The following KSR2 variants were observed in gnomAD, a reference collection of about 807,000 sequenced individuals.
KSR2 encodes the protein kinase suppressor of ras 2.
Under a neutral mutation model 107.8 loss-of-function variants are expected in KSR2, and 25 were observed. The ratio of observed to expected loss-of-function variants is 0.23; its 90% CI spans 0.17 to 0.32. The LOEUF (loss-of-function observed/expected upper bound fraction) is 0.32. Among genes scored for constraint, KSR2 ranks in the 10% least tolerant of loss-of-function variants. The probability of loss-of-function intolerance (pLI) is 1.00; values close to 1 mark genes in which losing one functional copy is unlikely to be tolerated. For missense variants in KSR2, 887 were observed against 1,268.9 expected, an observed-to-expected ratio of 0.70 and a Z score of 4.57; for synonymous variants, 480 against 507.0, an observed-to-expected ratio of 0.95 and a Z score of 0.71.
intron 13 of KSR2, among the ~76,000 whole-genome samples, chr12:117,525,646 T>C (rs1387421446): frequency 6.6e-6 from 1 of 152,260 alleles, no homozygotes; most frequent in Non-Finnish European, 1.5e-5. Flanking sequence ...CTTCCTATTC[T>C]TCCATAGTCT....
intron 5 of KSR2, among the ~76,000 whole-genome samples, chr12:117,654,057 C>T (rs1318221088): frequency 6.6e-6 from 1 of 152,222 alleles, no homozygotes; most frequent in Non-Finnish European, 1.5e-5. Context: ...CTGCAGATAA[C>T]TACTCTCCTT....
intron 3 of KSR2, among the ~76,000 whole-genome samples, chr12:117,813,796 C>T (rs564880664): frequency 1.1e-4 from 16 of 152,240 alleles, no homozygotes; most frequent in Non-Finnish European, 2.4e-4. Context: ...GGAAAAGAAA[C>T]CAGCTTATCA....
intron 5 of KSR2, among the ~76,000 whole-genome samples, chr12:117,620,324 T>G (rs1464096660): frequency 1.3e-5 from 2 of 152,098 alleles, no homozygotes; most frequent in Non-Finnish European, 2.9e-5. Context: ...TCTGCCCCAT[T>G]GTGGATATAC....
At chr12:117,967,578 AGAG>A (rs1439933125) in intron 1 of KSR2, among the ~76,000 whole-genome samples, 1 of 152,002 alleles carries the variant, frequency 6.6e-6, no homozygotes, top group Non-Finnish European at 1.5e-5. Context: ...AAGAAGGCCA[AGAG>A]AAGAAGAGGT....
chr12:117,855,855 AC>A (rs1455050719), intron 2 of KSR2, among the ~76,000 whole-genome samples: 3 of 151,950 alleles, frequency 2.0e-5, no homozygotes, highest in Non-Finnish European at 4.4e-5. Context: ...TATAATTACT[AC>A]CCTGTCTGGC....
chr12:117,869,492 G>T lies in KSR2; in HGVS notation c.181-9061C>A, dbSNP rs559929833. ...AGCGGGTAATCACTGAGACTAGTTA[G>T]GTGCCCATCTTTCCAGATGTTGATC... On this transcript the variant is annotated intron_variant, in intron 1 of 19. Transcript: ENST00000339824. 3.4e-4 allele frequency among the ~76,000 whole-genome samples: 52 copies of T among 152,300 alleles called. No individual in the cohort carries two copies. The South Asian group carries it at 0.011, about 32-fold the overall frequency.
At chr12:117,531,774 A>G in intron 10 of KSR2, 67 bp from the exon 11 acceptor site, 1 of 1,190,060 alleles carries the variant, frequency 8.4e-7, no homozygotes, top group Non-Finnish European at 1.2e-6. Context: ...GACCAGATTG[A>G]GCTCTTACAG....
intron 1 of KSR2, among the ~76,000 whole-genome samples, chr12:117,901,202 A>C (rs1482574519): frequency 6.6e-6 from 1 of 152,238 alleles, no homozygotes; most frequent in Non-Finnish European, 1.5e-5. Flanking sequence ...CAGGAATATG[A>C]TAAATAAACA....
chr12:117,570,550 A>C (rs1041722228), intron 7 of KSR2, among the ~76,000 whole-genome samples: 2 of 152,238 alleles, frequency 1.3e-5, no homozygotes, highest in African/African-American at 4.8e-5. Context: ...AAAAGGCGAA[A>C]ATGGGCTAAA....
At chr12:117,901,130 G>A (rs2137393846) in intron 1 of KSR2, among the ~76,000 whole-genome samples, 1 of 152,170 alleles carries the variant, frequency 6.6e-6, no homozygotes. Flanking sequence ...GAGGAACCAG[G>A]GCCGGGTGAC....
At chr12:117,948,469 G>A (rs1896264604) in intron 1 of KSR2, among the ~76,000 whole-genome samples, 1 of 147,600 alleles carries the variant, frequency 6.8e-6, no homozygotes, top group Admixed American at 6.8e-5. Flanking sequence ...CAGGCAGGGT[G>A]ACAGAGCAAG....
At position 117,860,396 on chromosome 12, in the gene KSR2, G is replaced by A; in HGVS notation, c.216C>T (p.Ser72=). 2 of 1,612,176 alleles carry A rather than the reference G, an allele frequency of 1.2e-6. No homozygotes were observed. The highest frequency in any genetic ancestry group is 1.3e-5 in the African/African-American group (1 of 75,036). The part of the protein sequence containing the change: ...KLVKYFSRQL[S]CKKKVALQER... ...CCTGCAAGGCTACCTTCTTTTTGCA[G>A]GACAGCTGCCGGCTGAAGTACTTCA... The change falls in exon 2 of 20, where the codon TCC becomes TCT. Residue 72 remains serine (S), a synonymous_variant. Transcript: ENST00000339824.
At chr12:117,477,795 G>A (rs1190166822) in intron 16 of KSR2, among the ~76,000 whole-genome samples, 1 of 152,236 alleles carries the variant, frequency 6.6e-6, no homozygotes, top group Non-Finnish European at 1.5e-5. Context: ...ACTCCTTGCT[G>A]TTGGGCCTTG....
intron 14 of KSR2, among the ~76,000 whole-genome samples, chr12:117,506,729 A>G (rs1184541044): frequency 6.6e-6 from 1 of 152,188 alleles, no homozygotes; most frequent in Non-Finnish European, 1.5e-5. Flanking sequence ...TTGGTTTGGC[A>G]TGGCTTATTC....
chr12:117,704,605 T>C (rs1886448913), intron 4 of KSR2, among the ~76,000 whole-genome samples: 1 of 152,060 alleles, frequency 6.6e-6, no homozygotes, highest in African/African-American at 2.4e-5. Context: ...ACAGCTGTAA[T>C]CCCAGCACTT....
At chr12:117,732,235 A>T (rs1297877376) in intron 4 of KSR2, among the ~76,000 whole-genome samples, 2 of 151,926 alleles carry the variant, frequency 1.3e-5, no homozygotes, top group Admixed American at 1.3e-4. Flanking sequence ...ATGAGTGATG[A>T]TCCCAAAACA....
intron 1 of KSR2, among the ~76,000 whole-genome samples, chr12:117,936,533 T>TTATTAGTAGTAGTAG (rs1555258977): frequency 2.5e-5 from 3 of 119,684 alleles, no homozygotes; most frequent in Non-Finnish European, 5.2e-5. Context: ...ATTATTATTA[T>TTATTAGTAGTAGTAG]TAGTAGTAGT....
At chr12:117,826,733 G>A (rs537201574) in intron 3 of KSR2, among the ~76,000 whole-genome samples, 2 of 151,712 alleles carry the variant, frequency 1.3e-5, no homozygotes, top group African/African-American at 2.4e-5. Context: ...CACACACGCC[G>A]AGAGAGACAG....
intron 8 of KSR2, among the ~76,000 whole-genome samples, chr12:117,557,555 A>G (rs917359266): frequency 3.3e-5 from 5 of 152,222 alleles, no homozygotes; most frequent in African/African-American, 1.2e-4. Flanking sequence ...GTCCACGGAC[A>G]GTGCTTTGAA....
Sources: allele counts gnomAD v4.1 joint callset (sites outside exome capture counted in the v4.1 genomes callset), GRCh38; gene constraint gnomAD v4.1.1; transcripts MANE v1.5; gene names NCBI Gene and HGNC (gene_info 2026-07-23, HGNC 2026-07-21).